SLC2A13: variants seen among roughly 807,000 people sequenced by gnomAD.
SLC2A13 encodes proton myo-inositol cotransporter.
SLC2A13 carries 32 observed loss-of-function variants against 64.4 expected under a neutral mutation model. That is an observed-to-expected ratio of 0.50 (90% confidence interval 0.37 to 0.67). The LOEUF (loss-of-function observed/expected upper bound fraction) is 0.67, where lower values mean the gene tolerates loss of function less well. SLC2A13 is among the 30% of genes least tolerant of loss of function. The pLI, the probability that SLC2A13 is intolerant of heterozygous loss-of-function variation, is 0.00. For missense variants in SLC2A13, 743 were observed against 829.2 expected (o/e 0.90, Z 1.28); for synonymous variants, 338 against 327.1 (o/e 1.03, Z -0.36).
intron 3 of SLC2A13, among the ~76,000 whole-genome samples, chr12:39,969,636 T>C (rs1946603450): frequency 1.3e-5 from 2 of 152,352 alleles, no homozygotes; most frequent in Admixed American, 6.5e-5. Context: ...TGCCCACTTG[T>C]TGATGGGGTT....
At chr12:40,086,255 T>C (rs1938585409) in intron 1 of SLC2A13, among the ~76,000 whole-genome samples, 1 of 152,074 alleles carries the variant, frequency 6.6e-6, no homozygotes. Flanking sequence ...GCAGGTGGCA[T>C]GGGAGGGTAT....
At chr12:40,056,398 A>T (rs1462032471) in intron 1 of SLC2A13, among the ~76,000 whole-genome samples, 2 of 152,210 alleles carry the variant, frequency 1.3e-5, no homozygotes, top group South Asian at 2.1e-4. Context: ...AAATTTCCTA[A>T]AATAGATTTA....
intron 3 of SLC2A13, among the ~76,000 whole-genome samples, chr12:39,982,860 G>T (rs377072197): frequency 8.0e-6 from 1 of 125,468 alleles, no homozygotes; most frequent in Non-Finnish European, 1.8e-5. Flanking sequence ...AAAAGAGCCC[G>T]CATTGCCAAG....
At position 39,758,385 on chromosome 12, in the gene SLC2A13, G is replaced by A. The variant is rs2135703628; in HGVS notation, c.*1641C>T. ...AAAGAATAGAGTATCTTGGAGACTG[G>A]AAGAAATATTTTGAATATGGAGATA... On this transcript the variant is annotated 3_prime_UTR_variant, in exon 10 of 10. Transcript: ENST00000280871. 1.3e-5 allele frequency: 2 copies of A among 151,942 alleles called. No individual in the cohort carries two copies. The highest frequency in any genetic ancestry group is 3.8e-4 in the East Asian group (2 of 5,288). The allele number at this position is 151,942 out of a possible 1,614,324, so 9.4% of individuals were successfully genotyped here.
chr12:40,068,477 A>T, intron 1 of SLC2A13: 1 of 263,458 alleles, frequency 3.8e-6, no homozygotes, highest in South Asian at 4.3e-5. Flanking sequence ...TTTCTTATCT[A>T]ATCATCTTCA....
At chr12:39,803,440 A>C (rs1291524382) in intron 7 of SLC2A13, among the ~76,000 whole-genome samples, 1 of 152,224 alleles carries the variant, frequency 6.6e-6, no homozygotes, top group Non-Finnish European at 1.5e-5. Context: ...AGGAGCAAAA[A>C]TAAGCATGAG....
intron 3 of SLC2A13, among the ~76,000 whole-genome samples, chr12:39,975,532 T>C (rs974268290): frequency 7.2e-5 from 11 of 152,218 alleles, no homozygotes; most frequent in Admixed American, 3.9e-4. Context: ...AATTTCTCCA[T>C]GGCAAGCCCC....
intron 2 of SLC2A13, among the ~76,000 whole-genome samples, chr12:40,041,940 T>C (rs893122003): frequency 2.0e-5 from 3 of 152,188 alleles, no homozygotes; most frequent in African/African-American, 7.2e-5. Flanking sequence ...ATCACTGTAG[T>C]CTTAATCCTC....
intron 4 of SLC2A13, among the ~76,000 whole-genome samples, chr12:39,910,074 C>T (rs1422137078): frequency 2.6e-5 from 4 of 152,106 alleles, no homozygotes; most frequent in South Asian, 2.1e-4. Flanking sequence ...CTCAACAGCC[C>T]TTAGAAGAAG....
In SLC2A13 at chr12:39,896,435, T is replaced by C. The variant is rs1033633659; in HGVS notation, c.1035-24474A>G. ...ATGTATGTATATGTGTATATATGTATACATATATGTATATGTGTGTATATA... is the reference window on the plus strand; with the variant it reads ...ATGTATGTATATGTGTATATATGTACACATATATGTATATGTGTGTATATA... On this transcript the variant is annotated intron_variant, in intron 4 of 9. Coordinates refer to ENST00000280871, the MANE Select transcript of SLC2A13 (RefSeq NM_052885.4). Among the ~76,000 whole-genome samples the C allele has an allele frequency of 2.4e-4, 35 of 143,686 alleles. 1 individual carries two copies. Among genetic ancestry groups the C allele is most frequent in the African/African-American group, 8.8e-4 (34 of 38,660 alleles). The allele number at this position is 143,686 out of a possible 152,430, so 94.3% of individuals were successfully genotyped here.
At chr12:39,966,225 G>C (rs1946512564) in intron 3 of SLC2A13, among the ~76,000 whole-genome samples, 1 of 151,842 alleles carries the variant, frequency 6.6e-6, no homozygotes, top group Non-Finnish European at 1.5e-5. Context: ...GTGAGAGAGA[G>C]AGGTTTTGTA....
At chr12:39,894,451 G>T (rs1405726297) in intron 4 of SLC2A13, among the ~76,000 whole-genome samples, 1 of 152,064 alleles carries the variant, frequency 6.6e-6, no homozygotes, top group Non-Finnish European at 1.5e-5. Flanking sequence ...TTTAATAAAA[G>T]GACTTACTCA....
At chr12:40,034,890 C>A (rs1947955278) in intron 2 of SLC2A13, among the ~76,000 whole-genome samples, 2 of 152,142 alleles carry the variant, frequency 1.3e-5, no homozygotes, top group Non-Finnish European at 2.9e-5. Context: ...ATTTACCCAG[C>A]AAATATCTCC....
chr12:40,089,342 A>G (rs1469542575), intron 1 of SLC2A13, among the ~76,000 whole-genome samples: 1 of 152,234 alleles, frequency 6.6e-6, no homozygotes, highest in African/African-American at 2.4e-5. Flanking sequence ...CAGTGAGCCA[A>G]CCAACATCTA....
chr12:40,053,934 T>A (rs1384308549), intron 1 of SLC2A13, among the ~76,000 whole-genome samples: 1 of 152,194 alleles, frequency 6.6e-6, no homozygotes, highest in Non-Finnish European at 1.5e-5. Context: ...CACCCCAAAA[T>A]CTACTTTCCA....
chr12:39,895,377 C>T (rs1204436616), intron 4 of SLC2A13, among the ~76,000 whole-genome samples: 1 of 150,252 alleles, frequency 6.7e-6, no homozygotes, highest in African/African-American at 2.4e-5. Flanking sequence ...GTAGTCCCAG[C>T]TACTTGGCAG....
chr12:39,790,556 T>C (rs1046132389), intron 7 of SLC2A13, among the ~76,000 whole-genome samples: 7 of 149,220 alleles, frequency 4.7e-5, no homozygotes, highest in African/African-American at 1.7e-4. Context: ...AACTCATCCT[T>C]TTTTATGGCT....
Position 39,823,755 on chromosome 12 carries a change from A to C in SLC2A13, c.1445+6348T>G, listed in dbSNP as rs1204385097. On this transcript the variant is annotated intron_variant, in intron 7 of 9. Transcript: ENST00000280871. ...TGTGCCACCTCACCTGGCTTCTTCC[A>C]ATAATTTTTAAGAAGTGTTTTTCAC... is the stretch of plus-strand genomic sequence containing the variant. Among the ~76,000 whole-genome samples the C allele has an allele frequency of 2.6e-5, 4 of 152,186 alleles. No homozygotes were observed. The East Asian group carries it at 7.7e-4, about 29-fold the overall frequency.
At chr12:39,997,921 C>T (rs186212998) in intron 3 of SLC2A13, among the ~76,000 whole-genome samples, 4 of 152,190 alleles carry the variant, frequency 2.6e-5, no homozygotes, top group Admixed American at 6.5e-5. Context: ...CACTGCTGGT[C>T]GGAATGTAAT....
Sources: gnomAD v4.1 joint callset for allele counts (sites outside exome capture counted in the v4.1 genomes callset) on GRCh38, gnomAD v4.1.1 for gene constraint, MANE v1.5 for transcripts, NCBI Gene and HGNC (gene_info 2026-07-23, HGNC 2026-07-21) for gene names.